CDH2: variants seen among roughly 807,000 people sequenced by gnomAD.
The protein encoded by CDH2 is cadherin 2.
A neutral mutation model predicts 92.0 loss-of-function variants in CDH2; 17 were observed. The ratio of observed to expected loss-of-function variants is 0.18; its 90% CI spans 0.13 to 0.28. The LOEUF (loss-of-function observed/expected upper bound fraction) is 0.28. Ranked by LOEUF, CDH2 falls within the 10% of genes least tolerant of loss-of-function variation. CDH2 has a pLI of 1.00. For synonymous variants in CDH2, 419 were observed against 415.9 expected (o/e 1.01, Z -0.09); for missense variants, 862 against 1,133.1 (o/e 0.76, Z 3.44).
chr18:28,163,777 T>C (rs1032895168), intron 1 of CDH2, among the ~76,000 whole-genome samples: 1 of 152,238 alleles, frequency 6.6e-6, no homozygotes, highest in Non-Finnish European at 1.5e-5. Context: ...TATATACACA[T>C]GCATGATACA....
At chr18:28,169,201 G>C (rs1474685225) in intron 1 of CDH2, among the ~76,000 whole-genome samples, 1 of 152,112 alleles carries the variant, frequency 6.6e-6, no homozygotes, top group Non-Finnish European at 1.5e-5. Context: ...TTTCTCTGCT[G>C]TATCTGCTCT....
Position 28,096,067 on chromosome 18 carries a change from C to T in CDH2, c.172+51606G>A, listed in dbSNP as rs148044301. Among the ~76,000 whole-genome samples the T allele has an allele frequency of 1.8e-3, 278 of 152,204 alleles. 1 individual carries two copies. The highest frequency in any genetic ancestry group is 2.3e-3 in the Non-Finnish European group (158 of 68,018). Reference sequence around the variant, plus strand: ...AGGGTGATTCAGACATGCTTTTATGCCTTAACGTGTCTGGATCCAAGTGGA... The same window carrying T: ...AGGGTGATTCAGACATGCTTTTATGTCTTAACGTGTCTGGATCCAAGTGGA... On this transcript the variant is annotated intron_variant, in intron 2 of 15. Coordinates refer to ENST00000269141, the MANE Select transcript of CDH2 (RefSeq NM_001792.5).
At chr18:28,050,284 C>T (rs145087071) in intron 2 of CDH2, among the ~76,000 whole-genome samples, 9 of 151,912 alleles carry the variant, frequency 5.9e-5, no homozygotes, top group East Asian at 5.8e-4. Context: ...AATTAAAATA[C>T]AGACATTGCA....
At chr18:28,046,386 A>G (rs2014076723) in intron 2 of CDH2, among the ~76,000 whole-genome samples, 1 of 152,190 alleles carries the variant, frequency 6.6e-6, no homozygotes, top group African/African-American at 2.4e-5. Context: ...ACAGAGAATT[A>G]TTTCTTTAAA....
intron 5 of CDH2, 123 bp downstream of exon 5, chr18:28,009,594 T>C: frequency 2.8e-6 from 2 of 712,790 alleles, no homozygotes; most frequent in Non-Finnish European, 4.3e-6. Context: ...ACCAAAAGAC[T>C]ACAGATACAA....
At chr18:28,035,157 A>C (rs2013795069) in intron 2 of CDH2, among the ~76,000 whole-genome samples, 2 of 152,072 alleles carry the variant, frequency 1.3e-5, no homozygotes, top group Non-Finnish European at 2.9e-5. Context: ...CTTTAACTTT[A>C]CATGACATAC....
intron 14 of CDH2, among the ~76,000 whole-genome samples, chr18:27,973,668 G>C (rs2011731757): frequency 6.6e-6 from 1 of 152,128 alleles, no homozygotes; most frequent in Non-Finnish European, 1.5e-5. Flanking sequence ...TACCTAACCT[G>C]GGTTTGTTAA....
chr18:28,170,666 A>G (rs2016451338), intron 1 of CDH2, among the ~76,000 whole-genome samples: 1 of 152,122 alleles, frequency 6.6e-6, no homozygotes, highest in Non-Finnish European at 1.5e-5. Flanking sequence ...TTTTAGGTTC[A>G]TGACTATTCC....
chr18:27,992,816 T>A lies in CDH2; in HGVS notation c.1183A>T (p.Arg395Trp). Residue 395 changes from arginine (R) to tryptophan (W), a missense_variant, in exon 9 of 16, where the codon AGG (arginine) becomes TGG (tryptophan). Arg to Trp is a moderately radical substitution (Grantham distance 101). Transcript: ENST00000269141. ...AGATTAGCTACTATGATGTCTACCCTGTTCTCAGGAACTTCACCATAAAAC... is the reference window on the plus strand; with the variant it reads ...AGATTAGCTACTATGATGTCTACCCAGTTCTCAGGAACTTCACCATAAAAC... ...MTFYGEVPENRVDIIVANLTV... is the reference protein window; with the variant it reads ...MTFYGEVPENWVDIIVANLTV... The A allele has an allele frequency of 6.2e-7, 1 of 1,612,866 alleles. No homozygotes were observed. The highest frequency in any genetic ancestry group is 8.5e-7 in the Non-Finnish European group (1 of 1,179,352).
intron 6 of CDH2, among the ~76,000 whole-genome samples, chr18:27,945,214 C>G (rs1018757966): frequency 6.6e-6 from 1 of 151,708 alleles, no homozygotes; most frequent in Non-Finnish European, 1.5e-5. Flanking sequence ...AAAGCAAGAC[C>G]CGTAAGACTG....
intron 2 of CDH2, among the ~76,000 whole-genome samples, chr18:28,118,590 A>AGTGTGTGT (rs57324446): frequency 6.7e-6 from 1 of 148,364 alleles, no homozygotes; most frequent in African/African-American, 2.5e-5. Flanking sequence ...AATTTAGTTC[A>AGTGTGTGT]GTGTGTGTGT....
intron 13 of CDH2, among the ~76,000 whole-genome samples, chr18:27,983,839 T>TC (rs1189846413): frequency 1.4e-4 from 22 of 152,224 alleles, no homozygotes; most frequent in African/African-American, 5.3e-4. Flanking sequence ...CATTGGCATC[T>TC]ATGCCACATT....
chr18:28,083,213 T>G (rs897298236), intron 2 of CDH2, among the ~76,000 whole-genome samples: 24 of 152,158 alleles, frequency 1.6e-4, no homozygotes, highest in African/African-American at 5.8e-4. Flanking sequence ...AGACCAAGAT[T>G]GCAGTAGTGC....
At chr18:27,936,299 G>T (rs984082263) in intron 6 of CDH2, among the ~76,000 whole-genome samples, 1 of 151,982 alleles carries the variant, frequency 6.6e-6, no homozygotes, top group South Asian at 2.1e-4. Context: ...TATGCTCATT[G>T]TACAGATAAG....
chr18:28,171,223 T>G (rs2016459933), intron 1 of CDH2, among the ~76,000 whole-genome samples: 1 of 140,704 alleles, frequency 7.1e-6, no homozygotes, highest in Non-Finnish European at 1.6e-5. Context: ...CGAGACTGTC[T>G]TTAAAAAAAA....
chr18:27,935,152 T>A (rs1041732898), intron 6 of CDH2, among the ~76,000 whole-genome samples: 2 of 152,190 alleles, frequency 1.3e-5, no homozygotes, highest in Non-Finnish European at 2.9e-5. Flanking sequence ...GCCATGTGTA[T>A]TAGTCCATTC....
At position 28,031,841 on chromosome 18, in the gene CDH2, A is replaced by G. The variant is rs1013942637; in HGVS notation, c.173-17932T>C. Among the ~76,000 whole-genome samples the G allele has an allele frequency of 3.3e-5, 5 of 152,194 alleles. No individual in the cohort carries two copies. The South Asian group carries it at 6.2e-4, about 19-fold the overall frequency. ...TTTCTAACTTTCTTCCTTTTTCTTT[A>G]AGTGACACTGCTGTTCAATGGGTGA... On this transcript the variant is annotated intron_variant, in intron 2 of 15. Coordinates refer to ENST00000269141, the MANE Select transcript of CDH2 (RefSeq NM_001792.5).
At chr18:28,036,399 T>A (rs1175178569) in intron 2 of CDH2, 1 of 799,922 alleles carries the variant, frequency 1.3e-6, no homozygotes, top group African/African-American at 1.7e-5. Context: ...AGTCTTCTCA[T>A]TTTATGTTAC....
chr18:28,113,777 C>G (rs573077602), intron 2 of CDH2, among the ~76,000 whole-genome samples: 1 of 152,168 alleles, frequency 6.6e-6, no homozygotes, highest in Admixed American at 6.5e-5. Context: ...TTCCTTTGAG[C>G]TTTTAAAGAT....
Sources: gnomAD v4.1 joint callset for allele counts (sites outside exome capture counted in the v4.1 genomes callset) on GRCh38, gnomAD v4.1.1 for gene constraint, MANE v1.5 for transcripts, NCBI Gene and HGNC (gene_info 2026-07-23, HGNC 2026-07-21) for gene names.